The following XPO7 variants were observed in gnomAD, a reference collection of about 807,000 sequenced individuals.
XPO7 encodes the protein exportin-7.
In XPO7, 21 loss-of-function variants were observed where a neutral mutation model predicts 144.3. That is an observed-to-expected ratio of 0.15 (90% CI 0.10 to 0.21). The LOEUF (loss-of-function observed/expected upper bound fraction) is 0.21, where lower values mean the gene tolerates loss of function less well. Among genes scored for constraint, XPO7 ranks in the 10% least tolerant of loss-of-function variants. The pLI is 1.00. For missense variants in XPO7, 808 were observed against 1,325.8 expected (o/e 0.61, Z 6.06); for synonymous variants, 580 against 499.6 (o/e 1.16, Z -2.15).
chr8:22,003,948 G>C lies in XPO7; in HGVS notation c.3088G>C (p.Glu1030Gln). The change falls in exon 27 of 28, where the codon GAG becomes CAG. Residue 1030 changes from glutamate (E) to glutamine (Q), a missense_variant. This residue lies in a region of XPO7 where 140 missense variants were observed against 237.9 expected (regional missense o/e 0.59). Transcript: ENST00000252512. Reference sequence around the variant, plus strand: ...CAGTATTGTGAACAGCCAGCCACCGGAGAAGCAGCAGGCCATGCACCTGTG... The same window carrying C: ...CAGTATTGTGAACAGCCAGCCACCGCAGAAGCAGCAGGCCATGCACCTGTG... ...RNSIVNSQPP[E>Q]KQQAMHLCFE... 1.2e-6 allele frequency: 2 copies of C among 1,613,938 alleles called. No homozygotes were observed. Among genetic ancestry groups the C allele is most frequent in the Non-Finnish European group, 1.7e-6 (2 of 1,179,884 alleles).
At chr8:21,943,380 T>C (rs1347810565) in intron 1 of XPO7, among the ~76,000 whole-genome samples, 1 of 152,252 alleles carries the variant, frequency 6.6e-6, no homozygotes, top group Admixed American at 6.5e-5. Context: ...GTTAGGATGC[T>C]ATGGTGATTG....
intron 1 of XPO7, among the ~76,000 whole-genome samples, chr8:21,929,833 A>T (rs780573797): frequency 1.3e-5 from 2 of 152,134 alleles, no homozygotes; most frequent in Non-Finnish European, 2.9e-5. Context: ...AACTGACTCT[A>T]AAGAGTGAAG....
intron 3 of XPO7, 172 bp from the exon 4 acceptor site, chr8:21,969,972 C>G: frequency 2.7e-6 from 2 of 753,708 alleles, no homozygotes; most frequent in African/African-American, 1.8e-5. Flanking sequence ...ACCTACTAAT[C>G]TTAAATTTAA....
intron 1 of XPO7, among the ~76,000 whole-genome samples, chr8:21,920,350 A>C (rs1366260801): frequency 6.7e-6 from 1 of 148,940 alleles, no homozygotes; most frequent in African/African-American, 2.5e-5. Context: ...TCCCTCCGAC[A>C]CTCCAAATCG....
rs1426907708 is a variant in XPO7 at position 21,966,845 on chromosome 8, G to C, written c.19-12G>C. 2 of 1,607,656 alleles carry C rather than the reference G, an allele frequency of 1.2e-6. No individual in the cohort carries two copies. Among genetic ancestry groups the C allele is most frequent in the East Asian group, 2.2e-5 (1 of 44,692 alleles). On this transcript the variant is annotated splice_polypyrimidine_tract_variant and intron_variant, in intron 1 of 27. Transcript: ENST00000252512. ...GGCTGAACTGTTTTCTTTCCTGACT[G>C]ATCTTTTCCAGAGCCTGGCCCAACT...
intron 15 of XPO7, among the ~76,000 whole-genome samples, chr8:21,988,074 TG>T (rs918380955): frequency 8.5e-5 from 13 of 152,200 alleles, no homozygotes; most frequent in Admixed American, 2.0e-4. Flanking sequence ...ATTTTGTTCT[TG>T]CAGAATCTCC....
intron 9 of XPO7, among the ~76,000 whole-genome samples, chr8:21,980,663 T>C (rs1196557214): frequency 6.6e-6 from 1 of 151,738 alleles, no homozygotes. Context: ...TAATCCCAGC[T>C]ACTCGGGAGG....
At chr8:21,993,401 C>G (rs1812832011) in intron 19 of XPO7, among the ~76,000 whole-genome samples, 2 of 152,178 alleles carry the variant, frequency 1.3e-5, no homozygotes, top group East Asian at 3.8e-4. Context: ...TGCTTACAAG[C>G]AGACTGTTAA....
At chr8:22,004,079 C>A (rs1467531198) in intron 27 of XPO7, 49 bp downstream of exon 27, 1 of 1,606,970 alleles carries the variant, frequency 6.2e-7, no homozygotes, top group East Asian at 2.2e-5. Context: ...TGCTATTTTT[C>A]AAATCAACGA....
chr8:21,934,433 T>A (rs1585419495), intron 1 of XPO7, among the ~76,000 whole-genome samples: 1 of 152,084 alleles, frequency 6.6e-6, no homozygotes, highest in African/African-American at 2.4e-5. Flanking sequence ...CTTGGGAGGC[T>A]GAGGCAGGAG....
chr8:21,947,749 A>C (rs1324792823), intron 1 of XPO7, among the ~76,000 whole-genome samples: 3 of 152,212 alleles, frequency 2.0e-5, no homozygotes, highest in African/African-American at 7.2e-5. Context: ...ATATTCATCA[A>C]AAGATGAGCA....
Position 21,991,712 on chromosome 8 carries a change from C to T in XPO7, c.2042-156C>T. The T allele has an allele frequency of 5.7e-6, 3 of 526,252 alleles. No individual in the cohort carries two copies. The South Asian group carries it at 8.8e-5, about 15-fold the overall frequency. The allele number at this position is 526,252 out of a possible 1,614,324, so 32.6% of individuals were successfully genotyped here. ...TTTAAAAATTCTGTTTCTATATATA[C>T]ATGTTGCTCTTACATTGCTACTAAT... On this transcript the variant is annotated intron_variant, in intron 18 of 27. Transcript: ENST00000252512.
In XPO7 at chr8:21,999,522, T is replaced by C. The variant is rs1274400261; in HGVS notation, c.2644-14T>C. 3 of 1,613,744 alleles carry C rather than the reference T, an allele frequency of 1.9e-6. No homozygotes were observed. Among genetic ancestry groups the C allele is most frequent in the African/African-American group, 1.3e-5 (1 of 74,928 alleles). ...AGTGCCTAAGCTGATTTTCTTCCTCTTCCTCTCCCACAGGATTACCCCAAG... is the reference window on the plus strand; with the variant it reads ...AGTGCCTAAGCTGATTTTCTTCCTCCTCCTCTCCCACAGGATTACCCCAAG... On this transcript the variant is annotated splice_polypyrimidine_tract_variant and intron_variant, in intron 23 of 27. Transcript: ENST00000252512.
At chr8:22,002,295 G>A (rs780043882) in intron 25 of XPO7, 23 bp downstream of exon 25, 2 of 1,607,104 alleles carry the variant, frequency 1.2e-6, no homozygotes, top group East Asian at 2.2e-5. Flanking sequence ...AGGCTTAGGA[G>A]GCAGTGATGG....
At chr8:22,002,023 TA>T in intron 24 of XPO7, 88 bp from the exon 25 acceptor site, 3 of 1,464,224 alleles carry the variant, frequency 2.0e-6, no homozygotes, top group Non-Finnish European at 2.7e-6. Flanking sequence ...TTGGCCACGG[TA>T]CCCTAATGGA....
chr8:21,933,156 A>G (rs1008541451), intron 1 of XPO7, among the ~76,000 whole-genome samples: 2 of 136,154 alleles, frequency 1.5e-5, no homozygotes, highest in African/African-American at 5.7e-5. Flanking sequence ...GCTGGAGTAC[A>G]GTGGCGCGAT....
intron 1 of XPO7, among the ~76,000 whole-genome samples, chr8:21,934,075 TAGTAGAGATAA>T (rs1563311192): frequency 6.6e-6 from 1 of 152,234 alleles, no homozygotes; most frequent in Non-Finnish European, 1.5e-5. Context: ...CTGTGCTACA[TAGTAGAGATAA>T]AGCAGAGAAC....
At chr8:21,996,968 C>T (rs1041180624) in intron 21 of XPO7, among the ~76,000 whole-genome samples, 1 of 152,038 alleles carries the variant, frequency 6.6e-6, no homozygotes, top group Non-Finnish European at 1.5e-5. Flanking sequence ...GCCACCACGC[C>T]CGGCTAATTT....
intron 1 of XPO7, among the ~76,000 whole-genome samples, chr8:21,941,784 T>TC (rs1310671810): frequency 3.9e-5 from 6 of 152,200 alleles, no homozygotes; most frequent in African/African-American, 1.4e-4. Context: ...TAAGCGATCC[T>TC]CCCGCCTCAG....
Sources: allele counts gnomAD v4.1 joint callset (sites outside exome capture counted in the v4.1 genomes callset), GRCh38; gene constraint gnomAD v4.1.1; regional missense constraint gnomAD v4.1.1; transcripts MANE v1.5; gene names NCBI Gene and HGNC (gene_info 2026-07-23, HGNC 2026-07-21).